RIMS1: variants seen among roughly 807,000 people sequenced by gnomAD.
The protein encoded by RIMS1 is regulating synaptic membrane exocytosis protein 1.
RIMS1 carries 83 observed loss-of-function variants against 214.1 expected under a neutral mutation model. The observed-to-expected ratio is 0.39, with a 90% CI of 0.32 to 0.47. The LOEUF (loss-of-function observed/expected upper bound fraction) is 0.47. Among genes scored for constraint, RIMS1 ranks in the 20% least tolerant of loss-of-function variants. The pLI, the probability that RIMS1 is intolerant of heterozygous loss-of-function variation, is 0.99. For synonymous variants in RIMS1, 793 were observed against 786.8 expected (o/e 1.01, Z -0.13); for missense variants, 2,050 against 2,161.8 (o/e 0.95, Z 1.03).
At chr6:72,242,663 A>G (rs1362627115) in intron 10 of RIMS1, among the ~76,000 whole-genome samples, 3 of 151,790 alleles carry the variant, frequency 2.0e-5, no homozygotes, top group African/African-American at 7.3e-5. Context: ...TTGTAATATC[A>G]AAAAATATCA....
chr6:72,029,130 T>A (rs1427259233), intron 2 of RIMS1, among the ~76,000 whole-genome samples: 1 of 152,168 alleles, frequency 6.6e-6, no homozygotes, highest in Non-Finnish European at 1.5e-5. Flanking sequence ...TTTGCTTTAT[T>A]ATTTTCTATG....
At position 72,391,899 on chromosome 6, in the gene RIMS1, A is replaced by G. The variant is rs571847830; in HGVS notation, c.4506-799A>G. 2.1e-4 allele frequency among the ~76,000 whole-genome samples: 32 copies of G among 152,350 alleles called. No individual in the cohort carries two copies. In the South Asian group the frequency reaches 2.3e-3, roughly 11 times the overall value. ...ATAAAATTTGCCTCCATCATAAACC[A>G]TTTAATCTCTTGGATTTATTTTCAT... On this transcript the variant is annotated intron_variant, in intron 30 of 33. Coordinates refer to ENST00000521978, the MANE Select transcript of RIMS1 (RefSeq NM_014989.7).
chr6:72,288,839 TG>T (rs1025188319), intron 24 of RIMS1, among the ~76,000 whole-genome samples: 21 of 152,088 alleles, frequency 1.4e-4, no homozygotes, highest in African/African-American at 5.1e-4. Flanking sequence ...ACAGAGTGGC[TG>T]GGGGCAGGAA....
intron 33 of RIMS1, among the ~76,000 whole-genome samples, chr6:72,399,295 AATTTT>A (rs71852468): frequency 0.014 from 2,142 of 152,120 alleles, 52 homozygotes; most frequent in African/African-American, 0.05. Context: ...AATAGAGAAC[AATTTT>A]ATTTTATCTC....
chr6:72,176,177 C>G (rs899264193), intron 4 of RIMS1, among the ~76,000 whole-genome samples: 1 of 152,120 alleles, frequency 6.6e-6, no homozygotes, highest in African/African-American at 2.4e-5. Context: ...GAACACATCC[C>G]AGGGTATTTA....
chr6:72,054,500 A>G (rs1825618215), intron 2 of RIMS1, among the ~76,000 whole-genome samples: 2 of 152,184 alleles, frequency 1.3e-5, no homozygotes, highest in South Asian at 4.1e-4. Flanking sequence ...AGGAATCACA[A>G]CACTGTCTTC....
At chr6:72,004,284 G>T (rs1806522273) in intron 2 of RIMS1, among the ~76,000 whole-genome samples, 1 of 151,862 alleles carries the variant, frequency 6.6e-6, no homozygotes, top group African/African-American at 2.4e-5. Flanking sequence ...GGACATTTGG[G>T]TTGGCTCCAA....
chr6:72,050,714 T>TG (rs1824389716), intron 2 of RIMS1, among the ~76,000 whole-genome samples: 1 of 152,176 alleles, frequency 6.6e-6, no homozygotes, highest in Non-Finnish European at 1.5e-5. Context: ...ACTGCTTCTC[T>TG]GACTCACACT....
At chr6:72,346,655 A>G (rs1488202314) in intron 29 of RIMS1, among the ~76,000 whole-genome samples, 1 of 151,774 alleles carries the variant, frequency 6.6e-6, no homozygotes, top group Non-Finnish European at 1.5e-5. Context: ...AGTCTGGCTT[A>G]GAGTCTGGTT....
chr6:71,898,886 G>T (rs1772710055), intron 1 of RIMS1, among the ~76,000 whole-genome samples: 1 of 151,740 alleles, frequency 6.6e-6, no homozygotes, highest in African/African-American at 2.4e-5. Context: ...TTTTACACTT[G>T]GTTCCATTTT....
chr6:72,032,921 G>T (rs1018835963), intron 2 of RIMS1, among the ~76,000 whole-genome samples: 13 of 152,154 alleles, frequency 8.5e-5, no homozygotes, highest in African/African-American at 2.9e-4. Context: ...GTACTGAAGG[G>T]TATATAAAAA....
intron 2 of RIMS1, among the ~76,000 whole-genome samples, chr6:72,066,236 A>G (rs1031341368): frequency 6.6e-6 from 1 of 152,206 alleles, no homozygotes; most frequent in African/African-American, 2.4e-5. Context: ...CGAGAAAAAA[A>G]TATTTAGAGT....
intron 1 of RIMS1, among the ~76,000 whole-genome samples, chr6:71,894,376 G>A (rs1770968854): frequency 1.3e-5 from 2 of 152,176 alleles, no homozygotes; most frequent in East Asian, 3.9e-4. Context: ...AAACCAGGAG[G>A]CAGAGGCTGC....
intron 6 of RIMS1, among the ~76,000 whole-genome samples, chr6:72,218,160 A>G (rs1269974058): frequency 6.9e-6 from 1 of 144,296 alleles, no homozygotes; most frequent in Non-Finnish European, 1.5e-5. Flanking sequence ...ATAGGCATTG[A>G]GTAAGTTTGA....
At chr6:72,204,276 T>C (rs2052530095) in intron 6 of RIMS1, among the ~76,000 whole-genome samples, 1 of 152,154 alleles carries the variant, frequency 6.6e-6, no homozygotes, top group Non-Finnish European at 1.5e-5. Context: ...CATACAAAGG[T>C]AGTAATTGTA....
chr6:72,093,228 A>ATATATATATATATATATAAAT (rs200655727), intron 2 of RIMS1, among the ~76,000 whole-genome samples: 2 of 136,964 alleles, frequency 1.5e-5, no homozygotes, highest in African/African-American at 2.5e-5. Context: ...ATATATATAT[A>ATATATATATATATATATAAAT]AAAACATGTG....
At position 72,290,764 on chromosome 6, in the gene RIMS1, C is replaced by T. The variant is rs753429456; in HGVS notation, c.3640C>T (p.Arg1214Cys). The change falls in exon 25 of 34, where the codon CGC becomes TGC. Residue 1214 changes from arginine (R) to cysteine (C), a missense_variant. By Grantham distance (180) the Arg-to-Cys change is radical (BLOSUM62 -3). Around this residue, in one of 6 missense-constraint regions of RIMS1, gnomAD observed 889 missense variants for 885.5 expected, o/e 1.00. Coordinates refer to ENST00000521978, the MANE Select transcript of RIMS1 (RefSeq NM_014989.7). ...QPVIRGKHPA[R>C]SRSSEHSSIR... is the part of the protein sequence containing the mutation. ...AGTCATTAGGGGAAAACATCCTGCT[C>T]GCTCAAGGTCGAGTGAGCACTCTAG... The T allele has an allele frequency of 1.5e-5, 24 of 1,613,698 alleles. No individual in the cohort carries two copies. The Admixed American group carries it at 1.5e-4, about 10-fold the overall frequency.
At chr6:72,196,047 T>C (rs757739779) in intron 6 of RIMS1, among the ~76,000 whole-genome samples, 7 of 152,068 alleles carry the variant, frequency 4.6e-5, no homozygotes, top group Non-Finnish European at 8.8e-5. Flanking sequence ...TATTGATACA[T>C]GTGGATCATG....
chr6:71,988,401 T>A (rs1460734056), intron 2 of RIMS1, among the ~76,000 whole-genome samples: 1 of 152,024 alleles, frequency 6.6e-6, no homozygotes, highest in Admixed American at 6.6e-5. Context: ...TTGGGGTCCA[T>A]GAGAACTAAA....
Sources: allele counts gnomAD v4.1 joint callset (sites outside exome capture counted in the v4.1 genomes callset), GRCh38; gene constraint gnomAD v4.1.1; regional missense constraint gnomAD v4.1.1; transcripts MANE v1.5; gene names NCBI Gene and HGNC (gene_info 2026-07-23, HGNC 2026-07-21).